Variants in EIF4G3 observed in about 807,000 individuals in gnomAD.
EIF4G3 encodes eukaryotic translation initiation factor 4 gamma 3, also known as eIF-4-gamma 3.
Under a neutral mutation model 186.4 loss-of-function variants are expected in EIF4G3, and 34 were observed. That is an observed-to-expected ratio of 0.18 (90% CI 0.14 to 0.24). The LOEUF is 0.24. EIF4G3 is among the 10% of genes least tolerant of loss of function. The pLI is 1.00. For missense variants in EIF4G3, 1,536 were observed against 1,948.5 expected, an observed-to-expected ratio of 0.79 and a Z score of 3.99; for synonymous variants, 673 against 679.5, an observed-to-expected ratio of 0.99 and a Z score of 0.15.
At chr1:20,908,796 C>G (rs1237484215) in intron 14 of EIF4G3, among the ~76,000 whole-genome samples, 1 of 152,108 alleles carries the variant, frequency 6.6e-6, no homozygotes, top group Admixed American at 6.6e-5. Flanking sequence ...CATAAACTTA[C>G]CGGTTTTTAT....
chr1:20,860,244 G>A (rs1446148173), intron 24 of EIF4G3, 141 bp downstream of exon 24: 2 of 1,149,998 alleles, frequency 1.7e-6, no homozygotes, highest in African/African-American at 1.5e-5. Flanking sequence ...TACTCTTCAG[G>A]TGAAACTGCT....
At chr1:20,876,931 G>A (rs1409135944) in intron 20 of EIF4G3, among the ~76,000 whole-genome samples, 1 of 152,158 alleles carries the variant, frequency 6.6e-6, no homozygotes, top group African/African-American at 2.4e-5. Flanking sequence ...AGTGAGCTAT[G>A]ATCATGCTAC....
At chr1:21,002,423 T>A (rs2154568982) in intron 5 of EIF4G3, among the ~76,000 whole-genome samples, 1 of 152,264 alleles carries the variant, frequency 6.6e-6, no homozygotes, top group East Asian at 1.9e-4. Flanking sequence ...TAAGCTGAAA[T>A]AAAGTAAACT....
At position 21,171,159 on chromosome 1, in the gene EIF4G3, A is replaced by G. The variant is rs552900109; in HGVS notation, c.-272+5016T>C. The stretch of plus-strand genomic sequence containing the variant: ...TTCAGAAGTCGCTTGGGATCCTGCA[A>G]TATCTCATCCGTGTAAGTCTCAGCT... On this transcript the variant is annotated intron_variant, in intron 2 of 36. Transcript: ENST00000602326. Among the ~76,000 whole-genome samples the G allele has an allele frequency of 3.4e-3, 512 of 152,312 alleles. 4 individuals are homozygous for G. Among genetic ancestry groups the G allele is most frequent in the Middle Eastern group, 0.017 (5 of 294 alleles).
chr1:21,103,511 T>C (rs1374142316), intron 2 of EIF4G3, among the ~76,000 whole-genome samples: 1 of 152,102 alleles, frequency 6.6e-6, no homozygotes, highest in African/African-American at 2.4e-5. Context: ...AGGATAAACT[T>C]ACAGCAGTGG....
intron 20 of EIF4G3, among the ~76,000 whole-genome samples, chr1:20,873,535 TA>T (rs1374573133): frequency 6.6e-6 from 1 of 152,186 alleles, no homozygotes; most frequent in South Asian, 2.1e-4. Context: ...TATTGCATAG[TA>T]CATGAACATC....
intron 2 of EIF4G3, among the ~76,000 whole-genome samples, chr1:21,125,926 A>G (rs1290078664): frequency 1.3e-5 from 2 of 151,860 alleles, no homozygotes; most frequent in Non-Finnish European, 2.9e-5. Context: ...GGCACAGAAC[A>G]GGCACAGTGC....
intron 12 of EIF4G3, among the ~76,000 whole-genome samples, chr1:20,957,522 C>CAA (rs11366654): frequency 0.014 from 1,626 of 117,776 alleles, 24 homozygotes; most frequent in East Asian, 0.049. Context: ...GACTCTGTCT[C>CAA]AAAAAAAAAA....
At chr1:21,080,270 C>T (rs1475962392) in intron 3 of EIF4G3, among the ~76,000 whole-genome samples, 5 of 150,678 alleles carry the variant, frequency 3.3e-5, no homozygotes, top group South Asian at 2.1e-4. Flanking sequence ...GAGACATGAT[C>T]GTGCGACTGC....
chr1:20,826,780 G>A (rs1441783564), intron 32 of EIF4G3, among the ~76,000 whole-genome samples: 6 of 152,004 alleles, frequency 3.9e-5, no homozygotes, highest in Admixed American at 3.9e-4. Context: ...GAATCACTGC[G>A]CCCGGCCAGA....
At chr1:21,153,308 C>T (rs2097580140) in intron 2 of EIF4G3, among the ~76,000 whole-genome samples, 1 of 152,228 alleles carries the variant, frequency 6.6e-6, no homozygotes, top group Admixed American at 6.5e-5. Context: ...TAACGGCATT[C>T]TGAATAGCAC....
intron 14 of EIF4G3, among the ~76,000 whole-genome samples, chr1:20,918,212 T>C (rs1171659924): frequency 6.6e-6 from 1 of 151,814 alleles, no homozygotes; most frequent in Admixed American, 6.6e-5. Flanking sequence ...TATATACAAG[T>C]TTATTATTTA....
intron 2 of EIF4G3, among the ~76,000 whole-genome samples, chr1:21,131,608 T>C (rs2097156283): frequency 1.3e-5 from 2 of 152,022 alleles, no homozygotes; most frequent in Non-Finnish European, 2.9e-5. Context: ...AAATTACATA[T>C]ACTTAAGTAA....
intron 14 of EIF4G3, among the ~76,000 whole-genome samples, chr1:20,914,478 G>A (rs1486045783): frequency 6.6e-6 from 1 of 152,124 alleles, no homozygotes; most frequent in Non-Finnish European, 1.5e-5. Flanking sequence ...AGATAAAAAA[G>A]ACAAAGGAAT....
At chr1:20,889,378 A>G (rs1325966957) in intron 18 of EIF4G3, among the ~76,000 whole-genome samples, 1 of 152,264 alleles carries the variant, frequency 6.6e-6, no homozygotes. Flanking sequence ...GTTAGTTAAA[A>G]TAAGTATAAA....
intron 2 of EIF4G3, among the ~76,000 whole-genome samples, chr1:21,118,073 T>C (rs2096860286): frequency 6.6e-6 from 1 of 152,218 alleles, no homozygotes; most frequent in South Asian, 2.1e-4. Flanking sequence ...CCAGCAAAGA[T>C]AATCCCACTC....
chr1:21,075,081 AAGGAG>A (rs2095545796), intron 3 of EIF4G3, among the ~76,000 whole-genome samples: 1 of 152,182 alleles, frequency 6.6e-6, no homozygotes, highest in Non-Finnish European at 1.5e-5. Flanking sequence ...AATAATAAAC[AAGGAG>A]AGGGAAAAAA....
chr1:20,895,048 C>A (rs772335975), intron 17 of EIF4G3, among the ~76,000 whole-genome samples: 1 of 151,834 alleles, frequency 6.6e-6, no homozygotes, highest in Non-Finnish European at 1.5e-5. Flanking sequence ...GAGGAAAGAC[C>A]TCCGTATCAA....
chr1:21,116,943 A>G (rs1300467161), intron 2 of EIF4G3, among the ~76,000 whole-genome samples: 1 of 152,184 alleles, frequency 6.6e-6, no homozygotes, highest in Non-Finnish European at 1.5e-5. Flanking sequence ...TTTCATTAAA[A>G]GATTAATCAC....
Sources: allele counts gnomAD v4.1 joint callset (sites outside exome capture counted in the v4.1 genomes callset), GRCh38; gene constraint gnomAD v4.1.1; transcripts MANE v1.5; gene names NCBI Gene and HGNC (gene_info 2026-07-23, HGNC 2026-07-21).